S100Z: variants seen among roughly 807,000 people sequenced by gnomAD.
S100Z encodes S100 calcium binding protein Z.
S100Z carries 11 observed loss-of-function variants against 8.5 expected under a neutral mutation model. The ratio of observed to expected loss-of-function variants is 1.30; its 90% CI spans 0.82 to 2.15. The LOEUF (loss-of-function observed/expected upper bound fraction) is 2.15, where lower values mean the gene tolerates loss of function less well. Among genes scored for constraint, S100Z ranks in the 30% most tolerant of loss-of-function variants. S100Z has a pLI of 0.00. For synonymous variants in S100Z, 34 were observed against 43.8 expected (o/e 0.78, Z 0.89); for missense variants, 126 against 117.9 (o/e 1.07, Z -0.32).
At chr5:76,869,501 C>T (rs1056911943) in intron 1 of S100Z, among the ~76,000 whole-genome samples, 1 of 152,140 alleles carries the variant, frequency 6.6e-6, no homozygotes, top group African/African-American at 2.4e-5. Flanking sequence ...CTCCCAACAC[C>T]ATGGTCAGTT....
At chr5:76,903,725 TTTG>T (rs1197549836) in intron 4 of S100Z, among the ~76,000 whole-genome samples, 44 of 145,082 alleles carry the variant, frequency 3.0e-4, no homozygotes, top group African/African-American at 1.2e-3. Flanking sequence ...GTTTTCTTTT[TTTG>T]TTGTTTTTTT....
chr5:76,868,198 A>G (rs1197568406), intron 1 of S100Z, among the ~76,000 whole-genome samples: 1 of 152,176 alleles, frequency 6.6e-6, no homozygotes, highest in Non-Finnish European at 1.5e-5. Context: ...TATAAAGATA[A>G]GCCCCTGAAG....
At chr5:76,882,313 G>T (rs1005656179) in intron 4 of S100Z, among the ~76,000 whole-genome samples, 3 of 152,180 alleles carry the variant, frequency 2.0e-5, no homozygotes, top group African/African-American at 4.8e-5. Flanking sequence ...GGATAAAAAG[G>T]CTACAGGGCG....
chr5:76,862,424 C>T (rs1751085766), intron 1 of S100Z, among the ~76,000 whole-genome samples: 2 of 152,104 alleles, frequency 1.3e-5, no homozygotes. Context: ...TGGTCACAGG[C>T]CAATCCTTCA....
chr5:76,855,137 A>C (rs957172552), intron 1 of S100Z, among the ~76,000 whole-genome samples: 4 of 152,210 alleles, frequency 2.6e-5, no homozygotes, highest in African/African-American at 9.6e-5. Flanking sequence ...CAGGCAGAAG[A>C]CTGCCCCAGG....
chr5:76,857,420 C>CAT (rs1750914510), intron 1 of S100Z, among the ~76,000 whole-genome samples: 1 of 151,882 alleles, frequency 6.6e-6, no homozygotes, highest in Admixed American at 6.6e-5. Flanking sequence ...CCCGTGCTTC[C>CAT]ATATATATAC....
At chr5:76,900,998 T>C (rs1451016113) in intron 4 of S100Z, among the ~76,000 whole-genome samples, 1 of 152,206 alleles carries the variant, frequency 6.6e-6, no homozygotes, top group African/African-American at 2.4e-5. Flanking sequence ...CTTGAATGTC[T>C]TGGACAAGAT....
At chr5:76,862,690 T>C (rs1199196959) in intron 1 of S100Z, among the ~76,000 whole-genome samples, 1 of 152,060 alleles carries the variant, frequency 6.6e-6, no homozygotes. Flanking sequence ...TAGTCCCAGC[T>C]ACTCTGGAGG....
At chr5:76,851,791 A>G (rs886194997) in intron 1 of S100Z, among the ~76,000 whole-genome samples, 5 of 152,210 alleles carry the variant, frequency 3.3e-5, no homozygotes, top group African/African-American at 1.2e-4. Flanking sequence ...GATAACACAA[A>G]GTAGAGTAAG....
chr5:76,912,753 A>G (rs2079556640), intron 4 of S100Z, among the ~76,000 whole-genome samples: 1 of 152,214 alleles, frequency 6.6e-6, no homozygotes, highest in South Asian at 2.1e-4. Context: ...AAAGCCATCA[A>G]AAAGGGGAAG....
chr5:76,891,488 C>G (rs956454811), intron 4 of S100Z, among the ~76,000 whole-genome samples: 1 of 152,196 alleles, frequency 6.6e-6, no homozygotes, highest in Admixed American at 6.5e-5. Context: ...AGGACGGCAG[C>G]TGCTTCAACT....
chr5:76,864,271 G>A (rs987778085), intron 1 of S100Z, among the ~76,000 whole-genome samples: 1 of 151,582 alleles, frequency 6.6e-6, no homozygotes, highest in Non-Finnish European at 1.5e-5. Flanking sequence ...TGTCTGGGGC[G>A]ATACTGGTGT....
At chr5:76,947,335 G>T in the S100Z span, among the ~76,000 whole-genome samples, 8 of 152,118 alleles carry the variant, frequency 5.3e-5, no homozygotes, top group Admixed American at 1.3e-4. Flanking sequence ...TCATCATTTG[G>T]GTTGAAAATA....
intron 4 of S100Z, among the ~76,000 whole-genome samples, chr5:76,915,163 G>A (rs565121846): frequency 6.6e-6 from 1 of 151,440 alleles, no homozygotes; most frequent in Non-Finnish European, 1.5e-5. Flanking sequence ...AACATTAGCC[G>A]AGCATGGTGG....
At chr5:76,929,240 G>A in the S100Z span, among the ~76,000 whole-genome samples, 5 of 152,216 alleles carry the variant, frequency 3.3e-5, no homozygotes, top group Non-Finnish European at 5.9e-5. Context: ...TTACATGGCA[G>A]AGAGAAGGGT....
the S100Z span, among the ~76,000 whole-genome samples, chr5:76,941,324 C>T: frequency 3.9e-5 from 6 of 152,166 alleles, no homozygotes; most frequent in South Asian, 2.1e-4. Flanking sequence ...GGGAGGGACC[C>T]GGCAGGAAGT....
intron 4 of S100Z, among the ~76,000 whole-genome samples, chr5:76,901,194 G>A (rs773016458): frequency 1.3e-4 from 19 of 151,910 alleles, no homozygotes; most frequent in Non-Finnish European, 2.5e-4. Context: ...GCATAGCACT[G>A]GATCTCATCT....
At chr5:76,896,156 T>C (rs1415296918) in intron 4 of S100Z, among the ~76,000 whole-genome samples, 2 of 152,124 alleles carry the variant, frequency 1.3e-5, no homozygotes, top group African/African-American at 4.8e-5. Context: ...TTGTACCCAT[T>C]AATCATCCCC....
chr5:76,850,335 G>GAGAGAGAGAGAGAGGGA (rs1561218224), intron 1 of S100Z, among the ~76,000 whole-genome samples, 180 bp downstream of exon 1: 1 of 111,004 alleles, frequency 9.0e-6, no homozygotes, highest in African/African-American at 3.7e-5. Flanking sequence ...GGGGGGTGGG[G>GAGAGAGAGAGAGAGGGA]GAGAGAGAGA....
Sources: allele counts gnomAD v4.1 joint callset (sites outside exome capture counted in the v4.1 genomes callset), GRCh38; gene constraint gnomAD v4.1.1; transcripts MANE v1.5; gene names NCBI Gene and HGNC (gene_info 2026-07-23, HGNC 2026-07-21).